ADAMTS17: variants seen among roughly 807,000 people sequenced by gnomAD.
ADAMTS17 encodes A disintegrin and metalloproteinase with thrombospondin motifs 17.
In ADAMTS17, 113 loss-of-function variants were observed where a neutral mutation model predicts 141.5. The observed-to-expected ratio is 0.80, with a 90% CI of 0.69 to 0.93. ADAMTS17 has a LOEUF of 0.93. Ranked by LOEUF, ADAMTS17 falls within the 40% of genes least tolerant of loss-of-function variation. The pLI is 0.00. For synonymous variants in ADAMTS17, 768 were observed against 630.6 expected (o/e 1.22, Z -3.27); for missense variants, 1,659 against 1,517.9 (o/e 1.09, Z -1.54).
intron 18 of ADAMTS17, among the ~76,000 whole-genome samples, chr15:100,040,898 A>AGG (rs1485354020): frequency 1.3e-5 from 2 of 152,258 alleles, no homozygotes; most frequent in Non-Finnish European, 2.9e-5. Context: ...CACAGGTATT[A>AGG]GTCACAATTA....
chr15:100,091,724 G>A (rs1336782915), intron 15 of ADAMTS17, among the ~76,000 whole-genome samples: 1 of 152,102 alleles, frequency 6.6e-6, no homozygotes, highest in African/African-American at 2.4e-5. Context: ...GTACCATGAT[G>A]GACTAGAGGT....
intron 15 of ADAMTS17, among the ~76,000 whole-genome samples, chr15:100,069,924 C>A (rs569842902): frequency 6.7e-6 from 1 of 150,210 alleles, no homozygotes; most frequent in Non-Finnish European, 1.5e-5. Context: ...GGGCTAAATG[C>A]TCCAATTAAA....
chr15:100,333,481 C>A (rs1341213496), intron 2 of ADAMTS17, among the ~76,000 whole-genome samples: 1 of 152,164 alleles, frequency 6.6e-6, no homozygotes, highest in Non-Finnish European at 1.5e-5. Context: ...GATATTTTTT[C>A]AAAGGTGACC....
At chr15:100,246,226 C>T (rs999548430) in intron 7 of ADAMTS17, among the ~76,000 whole-genome samples, 1 of 152,104 alleles carries the variant, frequency 6.6e-6, no homozygotes, top group African/African-American at 2.4e-5. Context: ...CCAGGCAACT[C>T]AATCAGCCGA....
chr15:100,180,868 G>A (rs1358642569), intron 8 of ADAMTS17, among the ~76,000 whole-genome samples: 2 of 152,212 alleles, frequency 1.3e-5, no homozygotes, highest in Non-Finnish European at 2.9e-5. Flanking sequence ...ATCAGCAGGT[G>A]GCAGAGCCAG....
intron 3 of ADAMTS17, among the ~76,000 whole-genome samples, chr15:100,288,542 G>A (rs745323022): frequency 3.3e-5 from 5 of 152,098 alleles, no homozygotes; most frequent in South Asian, 2.1e-4. Flanking sequence ...AAAACTCTCC[G>A]CCCAAAAGCA....
chr15:100,222,788 G>T (rs190588001), intron 7 of ADAMTS17, among the ~76,000 whole-genome samples: 1 of 152,230 alleles, frequency 6.6e-6, no homozygotes, highest in South Asian at 2.1e-4. Context: ...TGATGCCAAC[G>T]TGGCTGCCAT....
chr15:100,136,306 TCGTCAGCTTAAGAAAA>T (rs1308646452), intron 10 of ADAMTS17, among the ~76,000 whole-genome samples: 1 of 152,238 alleles, frequency 6.6e-6, no homozygotes, highest in African/African-American at 2.4e-5. Flanking sequence ...GCTACCTTTG[TCGTCAGCTTAAGAAAA>T]AAGAAAACGG....
In ADAMTS17 at chr15:100,056,585, T is replaced by A. The variant is rs556588035; in HGVS notation, c.2138-2531A>T. On this transcript the variant is annotated intron_variant, in intron 15 of 21. Coordinates refer to ENST00000268070, the MANE Select transcript of ADAMTS17 (RefSeq NM_139057.4). The stretch of plus-strand genomic sequence containing the variant: ...TTTGCGCTCCTATGAGAATCTAATG[T>A]CCCACTTCTGATCTGACAGGAGGCG... Among the ~76,000 whole-genome samples, 5 of 152,210 alleles carry A rather than the reference T, an allele frequency of 3.3e-5. No individual in the cohort carries two copies. The South Asian group carries it at 1.0e-3, about 32-fold the overall frequency.
chr15:100,231,156 A>G (rs1420531604), intron 7 of ADAMTS17, among the ~76,000 whole-genome samples: 1 of 152,228 alleles, frequency 6.6e-6, no homozygotes, highest in African/African-American at 2.4e-5. Context: ...GTATCTAGCA[A>G]TGGTGTGCCT....
At chr15:100,021,389 G>A (rs970458722) in intron 18 of ADAMTS17, among the ~76,000 whole-genome samples, 6 of 152,094 alleles carry the variant, frequency 3.9e-5, no homozygotes, top group African/African-American at 1.4e-4. Flanking sequence ...CAACCACCAC[G>A]AAGGATCTCA....
chr15:100,259,179 G>A (rs375480676), intron 6 of ADAMTS17, among the ~76,000 whole-genome samples: 65 of 152,290 alleles, frequency 4.3e-4, no homozygotes, highest in Non-Finnish European at 5.6e-4. Context: ...CACAGATGAC[G>A]TTGTTTAGAG....
intron 8 of ADAMTS17, among the ~76,000 whole-genome samples, chr15:100,195,643 G>T (rs2041086903): frequency 7.5e-6 from 1 of 133,252 alleles, no homozygotes; most frequent in African/African-American, 2.8e-5. Context: ...AAAAGAAGCT[G>T]TCAATCTCAT....
At chr15:99,989,285 C>T (rs907952638) in intron 20 of ADAMTS17, among the ~76,000 whole-genome samples, 3 of 152,206 alleles carry the variant, frequency 2.0e-5, no homozygotes, top group South Asian at 4.1e-4. Flanking sequence ...CTAGGTGCCC[C>T]GACCCCAGAT....
At chr15:100,055,449 C>T (rs564160001) in intron 15 of ADAMTS17, among the ~76,000 whole-genome samples, 1 of 152,296 alleles carries the variant, frequency 6.6e-6, no homozygotes, top group East Asian at 1.9e-4. Context: ...TGCTCGCTCC[C>T]GGCAAACACA....
intron 1 of ADAMTS17, 22 bp downstream of exon 1, chr15:100,341,799 G>C (rs750549261): frequency 1.3e-6 from 2 of 1,549,440 alleles, no homozygotes; most frequent in African/African-American, 2.7e-5. Flanking sequence ...GGGGTGAAGA[G>C]GGCTGTGGGA....
intron 15 of ADAMTS17, among the ~76,000 whole-genome samples, chr15:100,084,593 C>A (rs376384324): frequency 2.6e-5 from 4 of 152,232 alleles, no homozygotes; most frequent in South Asian, 2.1e-4. Flanking sequence ...AGGCACCCCC[C>A]TGTAGGGGCG....
chr15:100,210,176 A>G (rs1038611505), intron 7 of ADAMTS17, among the ~76,000 whole-genome samples: 16 of 134,518 alleles, frequency 1.2e-4, no homozygotes, highest in African/African-American at 4.3e-4. Flanking sequence ...GCTTGCAGTG[A>G]GCCGAGATCG....
intron 13 of ADAMTS17, among the ~76,000 whole-genome samples, chr15:100,112,477 T>C (rs574657320): frequency 1.8e-4 from 27 of 152,186 alleles, no homozygotes; most frequent in African/African-American, 4.8e-4. Flanking sequence ...GTTTTTAAAA[T>C]GTGAGGAGGA....
Sources: gnomAD v4.1 joint callset for allele counts (sites outside exome capture counted in the v4.1 genomes callset) on GRCh38, gnomAD v4.1.1 for gene constraint, MANE v1.5 for transcripts, NCBI Gene and HGNC (gene_info 2026-07-23, HGNC 2026-07-21) for gene names.